AGK: variants seen among roughly 807,000 people sequenced by gnomAD.
AGK encodes acylglycerol kinase, mitochondrial.
A neutral mutation model predicts 66.4 loss-of-function variants in AGK; 52 were observed. The observed-to-expected ratio is 0.78, with a 90% CI of 0.63 to 0.99. AGK has a LOEUF of 0.99. Ranked by LOEUF, AGK falls within the 50% of genes least tolerant of loss-of-function variation. AGK has a pLI of 0.00. For synonymous variants in AGK, 182 were observed against 181.1 expected, an observed-to-expected ratio of 1.00 and a Z score of -0.04; for missense variants, 451 against 506.6, an observed-to-expected ratio of 0.89 and a Z score of 1.05.
intron 4 of AGK, among the ~76,000 whole-genome samples, chr7:141,600,728 AC>A (rs1320702005): frequency 6.6e-6 from 1 of 152,232 alleles, no homozygotes; most frequent in Non-Finnish European, 1.5e-5. Flanking sequence ...TGTATAAGGT[AC>A]TAGGGGAGCA....
Position 141,641,368 on chromosome 7 carries a change from C to T in AGK, c.847C>T (p.Leu283Phe), listed in dbSNP as rs562712334. 4.3e-6 allele frequency: 7 copies of T among 1,613,204 alleles called. No homozygotes were observed. The South Asian group carries it at 7.7e-5, about 18-fold the overall frequency. Residue 283 changes from leucine to phenylalanine, a missense_variant, in exon 12 of 16, where the codon CTT (leucine) becomes TTT (phenylalanine). Transcript: ENST00000649286. ...PSLYRRILRR[L>F]ASYWAQPQDA... Reference sequence around the variant, plus strand: ...TTTGTACAGGAGAATATTACGAAGGCTTGCGTCCTACTGGGCACAACCACA... The same window carrying T: ...TTTGTACAGGAGAATATTACGAAGGTTTGCGTCCTACTGGGCACAACCACA...
Position 141,633,946 on chromosome 7 carries a change from G to A in AGK, c.634G>A (p.Gly212Arg). The A allele has an allele frequency of 6.2e-7, 1 of 1,614,038 alleles. No individual in the cohort carries two copies. Among genetic ancestry groups the A allele is most frequent in the Non-Finnish European group, 8.5e-7 (1 of 1,179,934 alleles). Reference protein sequence around the residue: ...PVFAMTGLRWGSFRDAGVKVS... With the variant: ...PVFAMTGLRWRSFRDAGVKVS... Reference sequence around the variant, plus strand: ...ATTTGCAATGACCGGCCTTCGATGGGGATCTTTCAGAGATGCTGGCGTCAA... The same window carrying A: ...ATTTGCAATGACCGGCCTTCGATGGAGATCTTTCAGAGATGCTGGCGTCAA... Residue 212 changes from glycine to arginine, a missense_variant, in exon 10 of 16, where the codon GGA (glycine) becomes AGA (arginine). Transcript: ENST00000649286.
Position 141,653,274 on chromosome 7 carries a change from T to C in AGK, c.*350T>C. The C allele has an allele frequency of 5.0e-6, 1 of 198,462 alleles. No homozygotes were observed. The highest frequency in any genetic ancestry group is 1.1e-5 in the Non-Finnish European group (1 of 94,776). 12.3% of individuals were successfully genotyped at this position (198,462 alleles called of 1,614,324 possible). A position where few individuals can be genotyped will look rare whatever the true frequency, so the allele number is the denominator to read the frequency against. On this transcript the variant is annotated 3_prime_UTR_variant, in exon 16 of 16. Transcript: ENST00000649286. Reference sequence around the variant, plus strand: ...GCTTAGCCTGCCTAGGCCCTTCCATTTCTCTTCTTTGACCGTGCTAGGAAT... The same window carrying C: ...GCTTAGCCTGCCTAGGCCCTTCCATCTCTCTTCTTTGACCGTGCTAGGAAT...
chr7:141,565,699 C>T (rs1795453238), intron 2 of AGK, among the ~76,000 whole-genome samples: 1 of 152,068 alleles, frequency 6.6e-6, no homozygotes, highest in Non-Finnish European at 1.5e-5. Context: ...TCCTTCATTC[C>T]CTGCATCCAG....
intron 3 of AGK, chr7:141,593,953 G>T (rs1476292008): frequency 6.5e-6 from 1 of 153,132 alleles, no homozygotes; most frequent in Non-Finnish European, 1.5e-5. Context: ...ATGACAGTGA[G>T]AATAGATACT....
intron 7 of AGK, 68 bp from the exon 8 acceptor site, chr7:141,615,403 T>A (rs984681072): frequency 1.6e-6 from 2 of 1,282,066 alleles, no homozygotes; most frequent in Middle Eastern, 1.9e-4. Context: ...TGGACACACC[T>A]GTGCTTCTCC....
chr7:141,612,924 T>TA (rs1183169691), intron 6 of AGK, among the ~76,000 whole-genome samples: 1 of 152,254 alleles, frequency 6.6e-6, no homozygotes, highest in Non-Finnish European at 1.5e-5. Context: ...TCTGATTGCC[T>TA]GTTGTCCCCA....
intron 11 of AGK, among the ~76,000 whole-genome samples, 178 bp downstream of exon 11, chr7:141,637,195 A>G (rs1391599376): frequency 6.6e-6 from 1 of 152,142 alleles, no homozygotes; most frequent in African/African-American, 2.4e-5. Flanking sequence ...TTGATAAGCA[A>G]TCACCCTTTA....
chr7:141,641,406 A>G lies in AGK; in HGVS notation c.877+8A>G. ...GGGCACAACCACAGGATGGTGAGCA[A>G]TGTGGCGACTAAAGATTGGAGGGCC... On this transcript the variant is annotated splice_region_variant and intron_variant, in intron 12 of 15. Transcript: ENST00000649286. 2 of 1,606,192 alleles carry G rather than the reference A, an allele frequency of 1.2e-6. No individual in the cohort carries two copies. The highest frequency in any genetic ancestry group is 1.7e-6 in the Non-Finnish European group (2 of 1,177,552).
At chr7:141,636,233 TGTGA>T (rs1449029776) in intron 10 of AGK, among the ~76,000 whole-genome samples, 3 of 152,234 alleles carry the variant, frequency 2.0e-5, no homozygotes, top group African/African-American at 7.2e-5. Flanking sequence ...CATTTGTGTG[TGTGA>T]GAGGACATGG....
rs150893768 is a variant in AGK at position 141,651,605 on chromosome 7, C to T, written c.1127C>T (p.Pro376Leu). ...GCCAGCCAGTGCACTTTGCTTATCC[C>T]GGAGGTGAGTGGGGAAGGGGTCGGT... The part of the protein sequence containing the change: ...LQASQCTLLI[P>L]EGAGGSFSID... The change falls in exon 15 of 16, where the codon CCG becomes CTG. Residue 376 changes from proline to leucine, a missense_variant. Pro to Leu is a moderately conservative substitution (Grantham distance 98, BLOSUM62 -3). Transcript: ENST00000649286. 6.8e-5 allele frequency: 109 copies of T among 1,614,144 alleles called. No individual in the cohort carries two copies. The highest frequency in any genetic ancestry group is 8.6e-5 in the Non-Finnish European group (102 of 1,179,990).
intron 9 of AGK, among the ~76,000 whole-genome samples, chr7:141,624,380 A>G (rs1470292873): frequency 6.6e-6 from 1 of 152,190 alleles, no homozygotes; most frequent in Non-Finnish European, 1.5e-5. Context: ...GTTGCCATAG[A>G]TAGTGATTCC....
intron 4 of AGK, among the ~76,000 whole-genome samples, chr7:141,599,797 A>G (rs1796304371): frequency 6.6e-6 from 1 of 152,198 alleles, no homozygotes; most frequent in African/African-American, 2.4e-5. Context: ...TTACCCTTTT[A>G]TGTTCATTCT....
At chr7:141,557,169 A>G (rs574685948) in intron 2 of AGK, among the ~76,000 whole-genome samples, 8 of 152,356 alleles carry the variant, frequency 5.3e-5, no homozygotes, top group South Asian at 4.1e-4. Flanking sequence ...TGAACACTCA[A>G]TTCACCACTG....
chr7:141,624,145 A>G (rs781486129), intron 9 of AGK, among the ~76,000 whole-genome samples: 1 of 152,176 alleles, frequency 6.6e-6, no homozygotes, highest in Non-Finnish European at 1.5e-5. Context: ...GGACATGTAC[A>G]AAGAGATTAA....
At chr7:141,633,188 CT>C (rs1797095549) in intron 9 of AGK, among the ~76,000 whole-genome samples, 1 of 152,096 alleles carries the variant, frequency 6.6e-6, no homozygotes, top group South Asian at 2.1e-4. Flanking sequence ...AGCTCTTAGA[CT>C]TTAGATGAAA....
rs1797627841 is a variant in AGK at position 141,653,991 on chromosome 7, T to TAAAC, written c.*1069_*1072dup. The TAAAC allele has an allele frequency of 6.6e-6, 1 of 152,238 alleles. No individual in the cohort carries two copies. Among genetic ancestry groups the TAAAC allele is most frequent in the Admixed American group, 6.5e-5 (1 of 15,288 alleles). 9.4% of individuals were successfully genotyped at this position (152,238 alleles called of 1,614,324 possible). On this transcript the variant is annotated 3_prime_UTR_variant, in exon 16 of 16. Coordinates refer to ENST00000649286, the MANE Select transcript of AGK (RefSeq NM_018238.4). ...ATAAATGAGCTAGTTCTTTAGTAGT[T>TAAAC]AAACATTTCAAATTGGCTTTTCTCC...
chr7:141,573,778 C>T (rs907582239), intron 2 of AGK, among the ~76,000 whole-genome samples: 2 of 152,186 alleles, frequency 1.3e-5, no homozygotes, highest in Non-Finnish European at 2.9e-5. Context: ...TCTATTCTTT[C>T]TTCTGGAGTA....
At chr7:141,649,731 C>T (rs922421925) in intron 14 of AGK, among the ~76,000 whole-genome samples, 9 of 152,252 alleles carry the variant, frequency 5.9e-5, no homozygotes, top group Non-Finnish European at 1.3e-4. Context: ...TCATCTCTGC[C>T]GATCTCAGGA....
Sources: gnomAD v4.1 joint callset for allele counts (sites outside exome capture counted in the v4.1 genomes callset) on GRCh38, gnomAD v4.1.1 for gene constraint, MANE v1.5 for transcripts, NCBI Gene and HGNC (gene_info 2026-07-23, HGNC 2026-07-21) for gene names.